Variants in EDNRB observed in about 807,000 individuals in gnomAD.
EDNRB encodes endothelin receptor type B, also known as Hirschsprung disease 2.
Under a neutral mutation model 46.4 loss-of-function variants are expected in EDNRB, and 18 were observed. That is an observed-to-expected ratio of 0.39 (90% CI 0.27 to 0.57). The LOEUF is 0.57. EDNRB is among the 20% of genes least tolerant of loss of function. The pLI is 0.61. For missense variants in EDNRB, 434 were observed against 537.5 expected (o/e 0.81, Z 1.90); for synonymous variants, 213 against 204.9 (o/e 1.04, Z -0.34).
At chr13:77,944,622 G>T (rs1487169927) in intron 1 of EDNRB, among the ~76,000 whole-genome samples, 1 of 152,052 alleles carries the variant, frequency 6.6e-6, no homozygotes, top group South Asian at 2.1e-4. Context: ...GAGCTGTATA[G>T]TTCAAAGATA....
intron 1 of EDNRB, among the ~76,000 whole-genome samples, chr13:77,927,411 T>G (rs557533462): frequency 6.6e-6 from 1 of 152,290 alleles, no homozygotes; most frequent in Non-Finnish European, 1.5e-5. Context: ...GGTGTGAGGT[T>G]GAGGAAGTCT....
intron 1 of EDNRB, 142 bp downstream of exon 1, chr13:77,917,949 T>C: frequency 1.5e-6 from 2 of 1,305,964 alleles, no homozygotes; most frequent in Non-Finnish European, 2.1e-6. Flanking sequence ...GGAATTTGGT[T>C]CCAAAGATTA....
At chr13:77,927,588 G>A (rs1260730480) in intron 1 of EDNRB, among the ~76,000 whole-genome samples, 1 of 152,214 alleles carries the variant, frequency 6.6e-6, no homozygotes, top group Admixed American at 6.5e-5. Flanking sequence ...AGTTGGAAAA[G>A]TCAGTGAATG....
In EDNRB at chr13:77,913,945, G is replaced by A. The variant is rs140336969; in HGVS notation, c.483+4146C>T. ...AAGGAGAAATTCATCCTAACGTCAG[G>A]TAGTCAAGCACTGGCTTTTGGTTCT... On this transcript the variant is annotated intron_variant, in intron 1 of 6. Transcript: ENST00000646607. Among the ~76,000 whole-genome samples, 77 of 152,254 alleles carry A rather than the reference G, an allele frequency of 5.1e-4. 1 individual carries two copies. The highest frequency in any genetic ancestry group is 1.6e-3 in the African/African-American group (68 of 41,560).
At chr13:77,917,679 G>A (rs1006882195) in intron 1 of EDNRB, among the ~76,000 whole-genome samples, 6 of 152,310 alleles carry the variant, frequency 3.9e-5, no homozygotes, top group Middle Eastern at 3.4e-3. Flanking sequence ...AGGACTAGTG[G>A]TTCTCAAACT....
intron 1 of EDNRB, among the ~76,000 whole-genome samples, chr13:77,937,807 T>G (rs1014225685): frequency 6.6e-6 from 1 of 151,920 alleles, no homozygotes; most frequent in East Asian, 1.9e-4. Flanking sequence ...TTAGAAAGAC[T>G]CAGTGACGCT....
At chr13:77,930,851 C>T (rs140662071) in intron 1 of EDNRB, among the ~76,000 whole-genome samples, 2 of 152,230 alleles carry the variant, frequency 1.3e-5, no homozygotes, top group East Asian at 1.9e-4. Context: ...GAGTTTAACA[C>T]GCACAGCTGG....
chr13:77,958,600 T>C (rs1202726435), intron 1 of EDNRB, among the ~76,000 whole-genome samples: 1 of 152,118 alleles, frequency 6.6e-6, no homozygotes, highest in Admixed American at 6.5e-5. Flanking sequence ...GGTCTCGATC[T>C]CCTGACCTTG....
chr13:77,956,982 G>A (rs1566336784), intron 1 of EDNRB, among the ~76,000 whole-genome samples: 2 of 152,164 alleles, frequency 1.3e-5, no homozygotes, highest in African/African-American at 4.8e-5. Flanking sequence ...TATTCATAGG[G>A]ACTGAGGACT....
chr13:77,900,091 C>T (rs915425156), intron 5 of EDNRB, 124 bp from the exon 6 acceptor site: 16 of 780,336 alleles, frequency 2.1e-5, no homozygotes, highest in Admixed American at 8.0e-5. Context: ...ATTTATCACT[C>T]GTCTTTGCTA....
chr13:77,954,660 C>T (rs981192588), intron 1 of EDNRB, among the ~76,000 whole-genome samples: 8 of 152,060 alleles, frequency 5.3e-5, no homozygotes, highest in South Asian at 2.1e-4. Flanking sequence ...GCATGTGCCA[C>T]GACACATGGC....
intron 1 of EDNRB, among the ~76,000 whole-genome samples, chr13:77,938,257 G>A (rs887392063): frequency 2.0e-5 from 3 of 152,058 alleles, no homozygotes; most frequent in African/African-American, 7.2e-5. Context: ...CAGAAAAGCG[G>A]GAAAGGAGTC....
intron 1 of EDNRB, among the ~76,000 whole-genome samples, chr13:77,971,968 C>G (rs1228968259): frequency 6.6e-6 from 1 of 152,182 alleles, no homozygotes; most frequent in African/African-American, 2.4e-5. Flanking sequence ...TGAACAAGGG[C>G]TGACTGATTG....
At position 77,895,846 on chromosome 13, in the gene EDNRB, G is replaced by T. The variant is rs1200493107; in HGVS notation, c.*2354C>A. The T allele has an allele frequency of 6.6e-6, 1 of 152,096 alleles. No individual in the cohort carries two copies. The highest frequency in any genetic ancestry group is 1.5e-5 in the Non-Finnish European group (1 of 68,090). The allele number at this position is 152,096 out of a possible 1,614,324, so 9.4% of individuals were successfully genotyped here. On this transcript the variant is annotated 3_prime_UTR_variant, in exon 7 of 7. Coordinates refer to ENST00000646607, the MANE Select transcript of EDNRB (RefSeq NM_001122659.3). ...CATATGTAAGCTATCAATACTAAAA[G>T]GTGTTTGAACATACATCCACATTAG...
chr13:77,900,340 G>A (rs1878890100), intron 5 of EDNRB, among the ~76,000 whole-genome samples, 181 bp downstream of exon 5: 1 of 151,836 alleles, frequency 6.6e-6, no homozygotes, highest in South Asian at 2.1e-4. Flanking sequence ...TGTACCCAGT[G>A]TTCTTCATAC....
chr13:77,936,224 A>G (rs1273534046), intron 1 of EDNRB, among the ~76,000 whole-genome samples: 1 of 152,048 alleles, frequency 6.6e-6, no homozygotes, highest in Admixed American at 6.5e-5. Context: ...GAACTGGGGG[A>G]AAAGGCGGCA....
chr13:77,955,601 T>C (rs1881212324), intron 1 of EDNRB, among the ~76,000 whole-genome samples: 1 of 152,212 alleles, frequency 6.6e-6, no homozygotes, highest in Non-Finnish European at 1.5e-5. Flanking sequence ...AAGAGTTTTA[T>C]GGCTTCATGT....
Position 77,898,310 on chromosome 13 carries a change from A to G in EDNRB, c.1219T>C (p.Ser407Pro). The change falls in exon 7 of 7, where the codon TCA becomes CCA. Residue 407 changes from serine (S) to proline (P), a missense_variant. Coordinates refer to ENST00000646607, the MANE Select transcript of EDNRB (RefSeq NM_001122659.3). ...TCCAAGGACTGTTTTTCTTCAAATG[A>G]CTGGCACCAGCAGCATAAGCATGAC... ...FKSCLCCWCQSFEEKQSLEEK... is the reference protein window; with the variant it reads ...FKSCLCCWCQPFEEKQSLEEK... 1 of 1,612,158 alleles carries G rather than the reference A, an allele frequency of 6.2e-7. No homozygotes were observed. Among genetic ancestry groups the G allele is most frequent in the East Asian group, 2.2e-5 (1 of 44,776 alleles).
At position 77,897,485 on chromosome 13, in the gene EDNRB, A is replaced by G. The variant is rs1334106488; in HGVS notation, c.*715T>C. 2.0e-6 allele frequency: 2 copies of G among 979,184 alleles called. No individual in the cohort carries two copies. The highest frequency in any genetic ancestry group is 3.5e-5 in the African/African-American group (2 of 57,072). The allele number at this position is 979,184 out of a possible 1,614,324, so 60.7% of individuals were successfully genotyped here. On this transcript the variant is annotated 3_prime_UTR_variant, in exon 7 of 7. Transcript: ENST00000646607. ...ATAATTTTCTTTTTAAAAGTATTAT[A>G]TTTTAAATTCAGCTGGCACATGTGC...
Sources: gnomAD v4.1 joint callset for allele counts (sites outside exome capture counted in the v4.1 genomes callset) on GRCh38, gnomAD v4.1.1 for gene constraint, MANE v1.5 for transcripts, NCBI Gene and HGNC (gene_info 2026-07-23, HGNC 2026-07-21) for gene names.